NDFIP2: variants seen among roughly 807,000 people sequenced by gnomAD.
The protein encoded by NDFIP2 is NEDD4 family-interacting protein 2.
Under a neutral mutation model 36.0 loss-of-function variants are expected in NDFIP2, and 19 were observed. That is an observed-to-expected ratio of 0.53 (90% CI 0.37 to 0.77). The LOEUF (loss-of-function observed/expected upper bound fraction) is 0.77. NDFIP2 is among the 30% of genes least tolerant of loss of function. NDFIP2 has a pLI of 0.00. For synonymous variants in NDFIP2, 181 were observed against 167.7 expected (o/e 1.08, Z -0.61); for missense variants, 446 against 435.8 (o/e 1.02, Z -0.21).
chr13:79,532,154 A>T (rs551073645), intron 2 of NDFIP2, among the ~76,000 whole-genome samples: 9 of 152,226 alleles, frequency 5.9e-5, no homozygotes, highest in Non-Finnish European at 2.9e-5. Flanking sequence ...GGCACTGGAA[A>T]CATTTGAAAT....
At chr13:79,494,338 A>C (rs1873356344) in intron 1 of NDFIP2, among the ~76,000 whole-genome samples, 1 of 152,152 alleles carries the variant, frequency 6.6e-6, no homozygotes, top group South Asian at 2.1e-4. Context: ...AATCAGTGAC[A>C]AGTATTTACA....
intron 1 of NDFIP2, among the ~76,000 whole-genome samples, chr13:79,496,437 A>G (rs1057137542): frequency 2.6e-5 from 4 of 151,922 alleles, no homozygotes; most frequent in African/African-American, 9.6e-5. Flanking sequence ...CAGTTTCTCT[A>G]TATATATTGG....
chr13:79,507,287 T>C (rs1323560332), intron 1 of NDFIP2, among the ~76,000 whole-genome samples: 2 of 17,194 alleles, frequency 1.2e-4, no homozygotes, highest in African/African-American at 1.6e-3. Context: ...TTTTTTTTTT[T>C]TTTTGAGACG....
At chr13:79,532,887 G>A (rs1474854255) in intron 2 of NDFIP2, among the ~76,000 whole-genome samples, 1 of 152,204 alleles carries the variant, frequency 6.6e-6, no homozygotes, top group Non-Finnish European at 1.5e-5. Flanking sequence ...GTATACAGAA[G>A]TGGTATATGA....
intron 1 of NDFIP2, among the ~76,000 whole-genome samples, chr13:79,487,252 T>C (rs1203658899): frequency 1.3e-5 from 2 of 152,168 alleles, no homozygotes; most frequent in Non-Finnish European, 2.9e-5. Context: ...AATTACCTAG[T>C]TTTGCCTATT....
In NDFIP2 at chr13:79,536,588, A is replaced by G. The variant is rs143471771; in HGVS notation, c.622-3094A>G. Among the ~76,000 whole-genome samples, 433 of 152,294 alleles carry G rather than the reference A, an allele frequency of 2.8e-3. 4 individuals are homozygous for G. Among genetic ancestry groups the G allele is most frequent in the African/African-American group, 0.01 (417 of 41,562 alleles). On this transcript the variant is annotated intron_variant, in intron 3 of 7. Coordinates refer to ENST00000218652, the MANE Select transcript of NDFIP2 (RefSeq NM_019080.3). The stretch of plus-strand genomic sequence containing the variant: ...GCCTAGATACCATTTTATTTTTTAA[A>G]CATCTTATATAAATATTTCCCTGTT...
intron 1 of NDFIP2, among the ~76,000 whole-genome samples, chr13:79,489,360 A>G (rs1318373317): frequency 6.6e-6 from 1 of 152,232 alleles, no homozygotes; most frequent in Non-Finnish European, 1.5e-5. Flanking sequence ...ACAGCATAGA[A>G]GGAAGAGGAA....
At chr13:79,516,675 T>C (rs1874352848) in intron 1 of NDFIP2, among the ~76,000 whole-genome samples, 1 of 152,196 alleles carries the variant, frequency 6.6e-6, no homozygotes, top group Admixed American at 6.5e-5. Context: ...TTTTAAAAAT[T>C]ACAGTTCTCT....
chr13:79,525,846 G>A (rs1263693584), intron 2 of NDFIP2, among the ~76,000 whole-genome samples: 1 of 152,198 alleles, frequency 6.6e-6, no homozygotes, highest in Non-Finnish European at 1.5e-5. Context: ...GCATAAGGCA[G>A]AACTATTGTA....
At chr13:79,540,037 T>A (rs1484731334) in intron 4 of NDFIP2, among the ~76,000 whole-genome samples, 1 of 152,240 alleles carries the variant, frequency 6.6e-6, no homozygotes, top group Admixed American at 6.5e-5. Context: ...TAAGCATATT[T>A]AAGCTATTTC....
chr13:79,538,853 A>C (rs1875347857), intron 3 of NDFIP2, among the ~76,000 whole-genome samples: 1 of 152,180 alleles, frequency 6.6e-6, no homozygotes, highest in East Asian at 1.9e-4. Flanking sequence ...AAAGTGTGAG[A>C]TTATAGGCGT....
chr13:79,481,984 G>A (rs2079816350), intron 1 of NDFIP2, among the ~76,000 whole-genome samples: 1 of 152,084 alleles, frequency 6.6e-6, no homozygotes. Context: ...AGTACTGCGT[G>A]GGGTGGGATG....
At chr13:79,491,451 G>A (rs1873222795) in intron 1 of NDFIP2, among the ~76,000 whole-genome samples, 1 of 152,104 alleles carries the variant, frequency 6.6e-6, no homozygotes, top group African/African-American at 2.4e-5. Context: ...GTCCTTTAGA[G>A]TTGTTCAATA....
At chr13:79,505,929 A>G (rs536346146) in intron 1 of NDFIP2, among the ~76,000 whole-genome samples, 5 of 152,274 alleles carry the variant, frequency 3.3e-5, no homozygotes, top group African/African-American at 1.2e-4. Context: ...AACCAACATC[A>G]TATCTGTGTT....
chr13:79,509,688 T>A (rs61969023), intron 1 of NDFIP2, among the ~76,000 whole-genome samples: 1 of 140,386 alleles, frequency 7.1e-6, no homozygotes, highest in Admixed American at 6.9e-5. Context: ...TATATATATA[T>A]ATAGAGAGAG....
intron 2 of NDFIP2, among the ~76,000 whole-genome samples, chr13:79,530,726 T>C (rs1032796123): frequency 2.6e-5 from 4 of 152,174 alleles, no homozygotes; most frequent in Non-Finnish European, 5.9e-5. Flanking sequence ...TCATTTAAGT[T>C]TTACCATGAG....
chr13:79,529,402 A>G (rs917469088), intron 2 of NDFIP2, among the ~76,000 whole-genome samples: 1 of 152,164 alleles, frequency 6.6e-6, no homozygotes, highest in Non-Finnish European at 1.5e-5. Context: ...ATAAAAGATC[A>G]CATCTCCTTG....
chr13:79,488,595 A>G (rs1873108557), intron 1 of NDFIP2, among the ~76,000 whole-genome samples: 2 of 152,194 alleles, frequency 1.3e-5, no homozygotes, highest in African/African-American at 4.8e-5. Context: ...ATTTATGCTA[A>G]AGGTAAGGGA....
At chr13:79,532,301 A>G (rs1302686275) in intron 2 of NDFIP2, among the ~76,000 whole-genome samples, 1 of 152,232 alleles carries the variant, frequency 6.6e-6, no homozygotes, top group African/African-American at 2.4e-5. Flanking sequence ...AAAATGCACA[A>G]AAGCAAAGTG....
Sources: allele counts gnomAD v4.1 joint callset (sites outside exome capture counted in the v4.1 genomes callset), GRCh38; gene constraint gnomAD v4.1.1; transcripts MANE v1.5; gene names NCBI Gene and HGNC (gene_info 2026-07-23, HGNC 2026-07-21).